ARAP2: variants seen among roughly 807,000 people sequenced by gnomAD.
The protein encoded by ARAP2 is ArfGAP with RhoGAP domain, ankyrin repeat and PH domain 2.
ARAP2 carries 148 observed loss-of-function variants against 194.5 expected under a neutral mutation model. The observed-to-expected ratio is 0.76, with a 90% CI of 0.67 to 0.87. The LOEUF is 0.87. Ranked by LOEUF, ARAP2 falls within the 40% of genes least tolerant of loss-of-function variation. The pLI is 0.00. For synonymous variants in ARAP2, 695 were observed against 683.5 expected (o/e 1.02, Z -0.26); for missense variants, 2,128 against 1,989.7 (o/e 1.07, Z -1.32).
chr4:36,147,393 T>C (rs746016022), intron 18 of ARAP2, 34 bp from the exon 19 acceptor site: 29 of 1,606,720 alleles, frequency 1.8e-5, no homozygotes, highest in Non-Finnish European at 2.6e-6. Context: ...AATTTATTTT[T>C]TAAAACACTG....
chr4:36,132,761 T>A (rs932251996), intron 20 of ARAP2, among the ~76,000 whole-genome samples: 7 of 151,778 alleles, frequency 4.6e-5, no homozygotes, highest in African/African-American at 1.7e-4. Flanking sequence ...CTTCTGAATA[T>A]AAACTACATG....
intron 2 of ARAP2, among the ~76,000 whole-genome samples, chr4:36,054,248 C>T (rs1021300799): frequency 3.1e-4 from 47 of 152,104 alleles, no homozygotes; most frequent in African/African-American, 1.1e-3. Context: ...CCTTTTTATA[C>T]CCCCAAAGTT....
At chr4:36,061,712 TA>T (rs1260755795), downstream of ARAP2, among the ~76,000 whole-genome samples, 1 of 152,252 alleles carries the variant, frequency 6.6e-6, no homozygotes, top group East Asian at 1.9e-4. Context: ...ATGGTAGTTC[TA>T]CTTTTAGTTT....
In ARAP2 at chr4:36,128,753, TAA is replaced by T. The variant is rs5857473; in HGVS notation, c.3428-10_3428-9del. 4,049 of 1,388,274 alleles carry T rather than the reference TAA, an allele frequency of 2.9e-3. 16 individuals are homozygous for T. Among genetic ancestry groups the T allele is most frequent in the African/African-American group, 0.021 (1,403 of 67,472 alleles). The allele number at this position is 1,388,274 out of a possible 1,614,324, so 86.0% of individuals were successfully genotyped here. On this transcript the variant is annotated splice_polypyrimidine_tract_variant and intron_variant, in intron 20 of 32. Coordinates refer to ENST00000303965, the MANE Select transcript of ARAP2 (RefSeq NM_015230.4). ...TATATTTGCATCCTAAACCTTTGTT[TAA>T]AAAAAAAAAGTTATACTTTAAAAGT...
At position 36,122,762 on chromosome 4, in the gene ARAP2, CA is replaced by C. The variant is rs550827911; in HGVS notation, c.3747-1437del. On this transcript the variant is annotated intron_variant, in intron 22 of 32. Transcript: ENST00000303965. Reference sequence around the variant, plus strand: ...CTGTACCCCTGAACTTAAAAGTTTACAAAAAAAACCAAAACAACTCCCTGAA... The same window carrying C: ...CTGTACCCCTGAACTTAAAAGTTTACAAAAAAACCAAAACAACTCCCTGAA... Among the ~76,000 whole-genome samples, 805 of 150,122 alleles carry C rather than the reference CA, an allele frequency of 5.4e-3. 11 individuals carry two copies. The highest frequency in any genetic ancestry group is 0.018 in the African/African-American group (759 of 41,086).
At chr4:36,032,712 G>C (rs1328061183) in intron 5 of ARAP2, among the ~76,000 whole-genome samples, 1 of 151,794 alleles carries the variant, frequency 6.6e-6, no homozygotes, top group Non-Finnish European at 1.5e-5. Context: ...TATATGTGCA[G>C]GTTTGTTATA....
intron 5 of ARAP2, among the ~76,000 whole-genome samples, chr4:36,211,930 T>C (rs1746844423): frequency 6.6e-6 from 1 of 152,054 alleles, no homozygotes; most frequent in Non-Finnish European, 1.5e-5. Context: ...AAATTGAAGT[T>C]GGTGCATACA....
At chr4:36,033,076 G>A (rs182987436) in intron 5 of ARAP2, among the ~76,000 whole-genome samples, 1 of 152,250 alleles carries the variant, frequency 6.6e-6, no homozygotes, top group African/African-American at 2.4e-5. Context: ...GTCTGTCATT[G>A]ATGGGCATCG....
At chr4:36,108,140 C>T (rs1718913188) in intron 26 of ARAP2, among the ~76,000 whole-genome samples, 1 of 151,878 alleles carries the variant, frequency 6.6e-6, no homozygotes, top group African/African-American at 2.4e-5. Flanking sequence ...TCAGGCTACC[C>T]TCCCACCACT....
At chr4:36,125,144 C>G (rs1723590227) in intron 21 of ARAP2, among the ~76,000 whole-genome samples, 177 bp from the exon 22 acceptor site, 1 of 151,920 alleles carries the variant, frequency 6.6e-6, no homozygotes, top group African/African-American at 2.4e-5. Context: ...TCTGGAAAAG[C>G]ATTTATTTAC....
chr4:36,077,894 C>T (rs976135963), intron 31 of ARAP2, among the ~76,000 whole-genome samples: 3 of 152,080 alleles, frequency 2.0e-5, no homozygotes, highest in African/African-American at 2.4e-5. Context: ...CCTGAATGAT[C>T]CTTCCTGGAA....
At chr4:36,083,522 G>A in intron 28 of ARAP2, 72 bp from the exon 29 acceptor site, 7 of 1,091,020 alleles carry the variant, frequency 6.4e-6, no homozygotes, top group Non-Finnish European at 9.1e-6. Context: ...GAGCATTAAT[G>A]ATTGGGTTTA....
At chr4:36,061,634 G>A (rs1724459049), downstream of ARAP2, among the ~76,000 whole-genome samples, 7 of 152,138 alleles carry the variant, frequency 4.6e-5, no homozygotes. Flanking sequence ...TGGGAGTGCT[G>A]CTATCTCTTA....
At chr4:36,021,547 A>T (rs1716949371) in intron 5 of ARAP2, among the ~76,000 whole-genome samples, 1 of 152,170 alleles carries the variant, frequency 6.6e-6, no homozygotes. Flanking sequence ...ACCATATGAC[A>T]TGAAAGGTCC....
chr4:36,183,040 A>C (rs1411798591), intron 8 of ARAP2, among the ~76,000 whole-genome samples: 1 of 152,182 alleles, frequency 6.6e-6, no homozygotes, highest in African/African-American at 2.4e-5. Context: ...CGAGTATTTT[A>C]AACAGAATTT....
chr4:36,227,769 TG>T (rs1185039396), intron 2 of ARAP2, among the ~76,000 whole-genome samples: 1 of 152,146 alleles, frequency 6.6e-6, no homozygotes, highest in Admixed American at 6.5e-5. Context: ...TAAGTTTTAA[TG>T]GGAAAAGCAA....
At chr4:36,226,569 AT>A (rs1178662848) in intron 2 of ARAP2, among the ~76,000 whole-genome samples, 2 of 151,828 alleles carry the variant, frequency 1.3e-5, no homozygotes, top group East Asian at 1.9e-4. Context: ...GCAATTCATT[AT>A]TTAAGCGTTT....
At chr4:36,034,582 C>T (rs1053100552) in intron 5 of ARAP2, among the ~76,000 whole-genome samples, 1 of 151,966 alleles carries the variant, frequency 6.6e-6, no homozygotes. Context: ...AATCATATTT[C>T]CTGCAAACAA....
intron 11 of ARAP2, among the ~76,000 whole-genome samples, chr4:36,162,251 G>T (rs561809125): frequency 1.3e-5 from 2 of 152,076 alleles, no homozygotes; most frequent in Non-Finnish European, 2.9e-5. Flanking sequence ...TGTAAAGCTT[G>T]CTAAAACCCC....
Sources: allele counts gnomAD v4.1 joint callset (sites outside exome capture counted in the v4.1 genomes callset), GRCh38; gene constraint gnomAD v4.1.1; transcripts MANE v1.5; gene names NCBI Gene and HGNC (gene_info 2026-07-23, HGNC 2026-07-21).